PRR23A: variants seen among roughly 807,000 people sequenced by gnomAD.
PRR23A encodes proline rich 23A, also known as proline-rich protein 23A.
For synonymous variants in PRR23A, 161 were observed against 170.6 expected (o/e 0.94, Z 0.44); for missense variants, 342 against 372.7 (o/e 0.92, Z 0.68).
Position 139,005,442 on chromosome 3 carries a change from G to T in PRR23A, c.*26C>A. The T allele has an allele frequency of 6.8e-7, 1 of 1,470,628 alleles. No homozygotes were observed. The highest frequency in any genetic ancestry group is 1.4e-5 in the African/African-American group (1 of 70,052). The allele number at this position is 1,470,628 out of a possible 1,614,324, so 91.1% of individuals were successfully genotyped here. ...GGAGGATCCACAAGAACCCGCAGCC[G>T]GTGGCAAGGGATTGTGGGAAGCAGT... is the stretch of plus-strand genomic sequence containing the variant. On this transcript the variant is annotated 3_prime_UTR_variant, in exon 1 of 1. Coordinates refer to ENST00000383163, the MANE Select transcript of PRR23A (RefSeq NM_001134659.1).
Position 139,005,337 on chromosome 3 carries a change from C to G in PRR23A, c.*131G>C. On this transcript the variant is annotated 3_prime_UTR_variant, in exon 1 of 1. Transcript: ENST00000383163. ...CAGCCAACCAACCAACCCACCCAAA[C>G]AACAGTAATCCAACTGCCCGCTGTC... 1 of 879,432 alleles carries G rather than the reference C, an allele frequency of 1.1e-6. No homozygotes were observed. The highest frequency in any genetic ancestry group is 2.4e-5 in the South Asian group (1 of 41,156). The allele number at this position is 879,432 out of a possible 1,614,324, so 54.5% of individuals were successfully genotyped here.
rs76579185 is a variant in PRR23A at position 139,005,251 on chromosome 3, T to C, written c.*217A>G. 2.5e-3 allele frequency among the ~76,000 whole-genome samples: 380 copies of C among 152,300 alleles called. 1 individual carries two copies. The highest frequency in any genetic ancestry group is 4.7e-3 in the Non-Finnish European group (320 of 68,014). ...AGGTGCTTACCAGAATCTGCTTTTCTTTTTTCATGTCCTTGCCTGCCACTT... is the reference window on the plus strand; with the variant it reads ...AGGTGCTTACCAGAATCTGCTTTTCCTTTTTCATGTCCTTGCCTGCCACTT... On this transcript the variant is annotated 3_prime_UTR_variant, in exon 1 of 1. Transcript: ENST00000383163.
rs777503858 is a variant in PRR23A at position 139,005,499 on chromosome 3, C to A, written c.770G>T (p.Cys257Phe). The A allele has an allele frequency of 1.4e-5, 22 of 1,554,350 alleles. No individual in the cohort carries two copies. The South Asian group carries it at 2.5e-4, about 18-fold the overall frequency. ...AHPPLPKRPP[C>F]KARRRLFQE ...CTGGAACAGTCGTCTGCGGGCCTTG[C>A]ACGGAGGGCGTTTCGGGAGCGGCGG... The change falls in exon 1 of 1, where the codon TGC (cysteine) becomes TTC (phenylalanine). Residue 257 changes from cysteine (C) to phenylalanine (F), a missense_variant. Coordinates refer to ENST00000383163, the MANE Select transcript of PRR23A (RefSeq NM_001134659.1).
chr3:139,005,523 G>A lies in PRR23A; in HGVS notation c.746C>T (p.Pro249Leu). The A allele has an allele frequency of 4.0e-6, 6 of 1,504,476 alleles. No individual in the cohort carries two copies. Among genetic ancestry groups the A allele is most frequent in the Non-Finnish European group, 4.4e-6 (5 of 1,129,456 alleles). The allele number at this position is 1,504,476 out of a possible 1,614,324, so 93.2% of individuals were successfully genotyped here. ...RVGSPGPHAH[P>L]PLPKRPPCKA... The stretch of plus-strand genomic sequence containing the variant: ...GCACGGAGGGCGTTTCGGGAGCGGC[G>A]GGTGCGCGTGGGGACCTGGACTCCC... Residue 249 changes from proline (P) to leucine (L), a missense_variant, in exon 1 of 1, where the codon CCG becomes CTG. Transcript: ENST00000383163.
chr3:139,006,160 G>C lies in PRR23A; in HGVS notation c.109C>G (p.Pro37Ala). ...AGGCTGGGCGCCACGCGGGGTTCGG[G>C]GCCCGCGGGCTCCTCCAATCGGAGG... ...KRLRLEEPAG[P>A]EPRVAPSLED... The change falls in exon 1 of 1, where the codon CCC becomes GCC. Residue 37 changes from proline (P) to alanine (A), a missense_variant. Coordinates refer to ENST00000383163, the MANE Select transcript of PRR23A (RefSeq NM_001134659.1). The C allele has an allele frequency of 2.6e-6, 4 of 1,544,192 alleles. No individual in the cohort carries two copies. Among genetic ancestry groups the C allele is most frequent in the Non-Finnish European group, 2.6e-6 (3 of 1,145,974 alleles).
In PRR23A at chr3:139,005,469, C is replaced by T. The variant is rs868745858; in HGVS notation, c.800G>A (p.Ter267=). ...TGGCAAGGGATTGTGGGAAGCAGTT[C>T]ATTCCTGGAACAGTCGTCTGCGGGC... The part of the protein sequence containing the change: ...CKARRRLFQE[*] The change falls in exon 1 of 1, where the codon TGA becomes TAA. Residue 267 remains the stop codon, a stop_retained_variant. Coordinates refer to ENST00000383163, the MANE Select transcript of PRR23A (RefSeq NM_001134659.1). 2 of 1,507,262 alleles carry T rather than the reference C, an allele frequency of 1.3e-6. No individual in the cohort carries two copies. Among genetic ancestry groups the T allele is most frequent in the Non-Finnish European group, 1.8e-6 (2 of 1,133,580 alleles). The allele number at this position is 1,507,262 out of a possible 1,614,324, so 93.4% of individuals were successfully genotyped here. A position where few individuals can be genotyped will look rare whatever the true frequency, so the allele number is the denominator to read the frequency against.
rs1415055332 is a variant in PRR23A at position 139,005,771 on chromosome 3, C to G, written c.498G>C (p.Glu166Asp). The G allele has an allele frequency of 6.2e-7, 1 of 1,613,704 alleles. No homozygotes were observed. The highest frequency in any genetic ancestry group is 1.7e-5 in the Admixed American group (1 of 59,996). The stretch of plus-strand genomic sequence containing the variant: ...AGCCGGCTGCGGAGTCCATCTGGAG[C>G]TCCGGAAACTCGGGGTCCGCGTCCT... ...YEEDADPEFP[E>D]LQMDSAAGSA... Residue 166 changes from glutamate to aspartate, a missense_variant, in exon 1 of 1, where the codon GAG (glutamate) becomes GAC (aspartate). Coordinates refer to ENST00000383163, the MANE Select transcript of PRR23A (RefSeq NM_001134659.1).
chr3:139,006,083 G>A lies in PRR23A; in HGVS notation c.186C>T (p.Val62=), dbSNP rs1423195279. 1 of 1,583,730 alleles carries A rather than the reference G, an allele frequency of 6.3e-7. No homozygotes were observed. Among genetic ancestry groups the A allele is most frequent in the Non-Finnish European group, 8.6e-7 (1 of 1,166,024 alleles). Reference sequence around the variant, plus strand: ...CACGCAGGGCACAGCCCGCGGCCAGGACCACTATGGAGGTGAGCGCGCCCA... The same window carrying A: ...CACGCAGGGCACAGCCCGCGGCCAGAACCACTATGGAGGTGAGCGCGCCCA... ...PAVGALTSIV[V]LAAGCALRVP... is the part of the protein sequence containing the mutation. Residue 62 remains valine, a synonymous_variant, in exon 1 of 1, where the codon GTC becomes GTT. Coordinates refer to ENST00000383163, the MANE Select transcript of PRR23A (RefSeq NM_001134659.1).
chr3:139,006,098 G>T lies in PRR23A; in HGVS notation c.171C>A (p.Leu57=). 1 of 1,565,760 alleles carries T rather than the reference G, an allele frequency of 6.4e-7. No homozygotes were observed. The highest frequency in any genetic ancestry group is 8.6e-7 in the Non-Finnish European group (1 of 1,157,344). ...DPAGTPAVGA[L]TSIVVLAAGC... Reference sequence around the variant, plus strand: ...CCGCGGCCAGGACCACTATGGAGGTGAGCGCGCCCACGGCCGGGGTACCCG... The same window carrying T: ...CCGCGGCCAGGACCACTATGGAGGTTAGCGCGCCCACGGCCGGGGTACCCG... The change falls in exon 1 of 1, where the codon CTC becomes CTA. Residue 57 remains leucine, a synonymous_variant. Coordinates refer to ENST00000383163, the MANE Select transcript of PRR23A (RefSeq NM_001134659.1).
rs745361540 is a variant in PRR23A, at chr3:139,006,008, G to A, written c.261C>T (p.Ile87=). 2.8e-5 allele frequency: 45 copies of A among 1,613,104 alleles called. No individual in the cohort carries two copies. The highest frequency in any genetic ancestry group is 1.2e-4 in the Admixed American group (7 of 59,934). Residue 87 remains isoleucine, a synonymous_variant, in exon 1 of 1, where the codon ATC becomes ATT. Coordinates refer to ENST00000383163, the MANE Select transcript of PRR23A (RefSeq NM_001134659.1). ...DLVLELPPTS[I]LRVSLDGHTL... is the part of the protein sequence containing the mutation. ...TGTGTCCATCGAGAGACACTCGCAGGATCGACGTTGGCGGGAGCTCCAGCA... is the reference window on the plus strand; with the variant it reads ...TGTGTCCATCGAGAGACACTCGCAGAATCGACGTTGGCGGGAGCTCCAGCA...
chr3:139,005,571 G>A lies in PRR23A; in HGVS notation c.698C>T (p.Pro233Leu). ...LEPVPSSPLQ[P>L]LPPSPRVGSP... is the part of the protein sequence containing the mutation. ...CCCCACGCGCGGAGAGGGAGGTAGAGGTTGGAGAGGTGAGCTGGGGACAGG... is the reference window on the plus strand; with the variant it reads ...CCCCACGCGCGGAGAGGGAGGTAGAAGTTGGAGAGGTGAGCTGGGGACAGG... Residue 233 changes from proline to leucine, a missense_variant, in exon 1 of 1, where the codon CCT (proline) becomes CTT (leucine). Coordinates refer to ENST00000383163, the MANE Select transcript of PRR23A (RefSeq NM_001134659.1). 3 of 1,608,212 alleles carry A rather than the reference G, an allele frequency of 1.9e-6. No individual in the cohort carries two copies. Among genetic ancestry groups the A allele is most frequent in the Middle Eastern group, 1.7e-4 (1 of 5,976 alleles).
At position 139,005,789 on chromosome 3, in the gene PRR23A, C is replaced by A; in HGVS notation, c.480G>T (p.Ala160=). Residue 160 remains alanine, a synonymous_variant, in exon 1 of 1, where the codon GCG becomes GCT. Coordinates refer to ENST00000383163, the MANE Select transcript of PRR23A (RefSeq NM_001134659.1). ...AAQEEAYEED[A]DPEFPELQMD... is the part of the protein sequence containing the mutation. ...TCTGGAGCTCCGGAAACTCGGGGTC[C>A]GCGTCCTCCTCGTAGGCCTCTTCCT... is the stretch of plus-strand genomic sequence containing the variant. 6.2e-7 allele frequency: 1 copy of A among 1,613,494 alleles called. No individual in the cohort carries two copies. Among genetic ancestry groups the A allele is most frequent in the Non-Finnish European group, 8.5e-7 (1 of 1,179,570 alleles).
At position 139,005,126 on chromosome 3, in the gene PRR23A, T is replaced by C. The variant is rs1936756592; in HGVS notation, c.*342A>G. The stretch of plus-strand genomic sequence containing the variant: ...AGTAGGGGTGAAACTGAGGATACAG[T>C]TGGCTGAAGGTGACAAAGGCAGAAG... On this transcript the variant is annotated 3_prime_UTR_variant, in exon 1 of 1. Coordinates refer to ENST00000383163, the MANE Select transcript of PRR23A (RefSeq NM_001134659.1). Among the ~76,000 whole-genome samples the C allele has an allele frequency of 6.6e-6, 1 of 152,130 alleles. No homozygotes were observed.
chr3:139,005,829 G>A lies in PRR23A; in HGVS notation c.440C>T (p.Pro147Leu), dbSNP rs1425339359. Residue 147 changes from proline to leucine, a missense_variant, in exon 1 of 1, where the codon CCA becomes CTA. Coordinates refer to ENST00000383163, the MANE Select transcript of PRR23A (RefSeq NM_001134659.1). ...VEQEVFCASV[P>L]EIAAQEEAYE... is the part of the protein sequence containing the mutation. ...GGCCTCTTCCTGGGCGGCGATCTCT[G>A]GGACAGATGCGCAGAAGACTTCCTG... 1.9e-6 allele frequency: 3 copies of A among 1,613,980 alleles called. No homozygotes were observed. The highest frequency in any genetic ancestry group is 2.5e-6 in the Non-Finnish European group (3 of 1,179,928).
At position 139,004,694 on chromosome 3, in the gene PRR23A, A is replaced by G. The variant is rs1295508923; in HGVS notation, c.*774T>C. Among the ~76,000 whole-genome samples the G allele has an allele frequency of 6.6e-6, 1 of 152,034 alleles. No individual in the cohort carries two copies. Among genetic ancestry groups the G allele is most frequent in the Non-Finnish European group, 1.5e-5 (1 of 67,996 alleles). ...GGAGTTTCGCCATGTTGGCCAGGCT[A>G]GTCTCGAACTCCTGACTGCAGGTGA... On this transcript the variant is annotated 3_prime_UTR_variant, in exon 1 of 1. Transcript: ENST00000383163.
Position 139,005,771 on chromosome 3 carries a change from C to T in PRR23A, c.498G>A (p.Glu166=). 2 of 1,613,704 alleles carry T rather than the reference C, an allele frequency of 1.2e-6. No homozygotes were observed. The highest frequency in any genetic ancestry group is 2.2e-5 in the South Asian group (2 of 91,010). Residue 166 remains glutamate, a synonymous_variant, in exon 1 of 1, where the codon GAG becomes GAA. Coordinates refer to ENST00000383163, the MANE Select transcript of PRR23A (RefSeq NM_001134659.1). The part of the protein sequence containing the change: ...YEEDADPEFP[E]LQMDSAAGSA... The stretch of plus-strand genomic sequence containing the variant: ...AGCCGGCTGCGGAGTCCATCTGGAG[C>T]TCCGGAAACTCGGGGTCCGCGTCCT...
rs147495715 is a variant in PRR23A, at chr3:139,005,884, C to G, written c.385G>C (p.Gly129Arg). The change falls in exon 1 of 1, where the codon GGC becomes CGC. Residue 129 changes from glycine (G) to arginine (R), a missense_variant. By Grantham distance (125) the Gly-to-Arg change is moderately radical. Transcript: ENST00000383163. ...SAGLEVDVFL[G>R]ALREDVVVEQ... is the part of the protein sequence containing the mutation. ...ACGACGACGTCCTCCCTGAGAGCGC[C>G]CAGGAAAACGTCCACTTCCAGCCCA... is the stretch of plus-strand genomic sequence containing the variant. The G allele has an allele frequency of 4.0e-5, 64 of 1,613,540 alleles. 1 individual carries two copies. In the Middle Eastern group the frequency reaches 3.8e-3, roughly 96 times the overall value.
Position 139,006,162 on chromosome 3 carries a change from C to T in PRR23A, c.107G>A (p.Gly36Asp). ...AKRLRLEEPAGPEPRVAPSLE... is the reference protein window; with the variant it reads ...AKRLRLEEPADPEPRVAPSLE... ...GCTGGGCGCCACGCGGGGTTCGGGG[C>T]CCGCGGGCTCCTCCAATCGGAGGCG... The change falls in exon 1 of 1, where the codon GGC (glycine) becomes GAC (aspartate). Residue 36 changes from glycine to aspartate, a missense_variant. Coordinates refer to ENST00000383163, the MANE Select transcript of PRR23A (RefSeq NM_001134659.1). 6.5e-7 allele frequency: 1 copy of T among 1,544,344 alleles called. No homozygotes were observed. The highest frequency in any genetic ancestry group is 8.7e-7 in the Non-Finnish European group (1 of 1,145,934).
At position 139,006,246 on chromosome 3, in the gene PRR23A, G is replaced by A; in HGVS notation, c.23C>T (p.Pro8Leu). MGSRPRS[P>L]SAFPAPWWGQ... The stretch of plus-strand genomic sequence containing the variant: ...CCACCAGGGCGCAGGGAAGGCGCTG[G>A]GGCTGCGGGGCCGGCTGCCCATAGC... The change falls in exon 1 of 1, where the codon CCC (proline) becomes CTC (leucine). Residue 8 changes from proline (P) to leucine (L), a missense_variant. Pro to Leu is a moderately conservative substitution (Grantham distance 98, BLOSUM62 -3). Transcript: ENST00000383163. The A allele has an allele frequency of 1.3e-6, 2 of 1,533,176 alleles. No individual in the cohort carries two copies. Among genetic ancestry groups the A allele is most frequent in the Non-Finnish European group, 1.7e-6 (2 of 1,146,030 alleles). 95.0% of individuals were successfully genotyped at this position (1,533,176 alleles called of 1,614,324 possible). A position where few individuals can be genotyped will look rare whatever the true frequency, so the allele number is the denominator to read the frequency against.
Sources: gnomAD v4.1 joint callset for allele counts (sites outside exome capture counted in the v4.1 genomes callset) on GRCh38, gnomAD v4.1.1 for gene constraint, MANE v1.5 for transcripts, NCBI Gene and HGNC (gene_info 2026-07-23, HGNC 2026-07-21) for gene names.